DDB1: variants seen among roughly 807,000 people sequenced by gnomAD.
The protein encoded by DDB1 is damage specific DNA binding protein 1, also known as DNA damage-binding protein 1.
A neutral mutation model predicts 133.1 loss-of-function variants in DDB1; 18 were observed. The observed-to-expected ratio is 0.14, with a 90% CI of 0.09 to 0.20. DDB1 has a LOEUF of 0.20. Among genes scored for constraint, DDB1 ranks in the 10% least tolerant of loss-of-function variants. The pLI, the probability that DDB1 is intolerant of heterozygous loss-of-function variation, is 1.00. For synonymous variants in DDB1, 580 were observed against 550.5 expected, an observed-to-expected ratio of 1.05 and a Z score of -0.75; for missense variants, 828 against 1,459.2, an observed-to-expected ratio of 0.57 and a Z score of 7.05.
At chr11:61,300,631 G>A (rs1055478765) in intron 26 of DDB1, among the ~76,000 whole-genome samples, 178 bp downstream of exon 26, 1 of 152,192 alleles carries the variant, frequency 6.6e-6, no homozygotes, top group Non-Finnish European at 1.5e-5. Flanking sequence ...GGGTACCCAC[G>A]AGCCACAACT....
In DDB1 at chr11:61,300,236, G is replaced by C. The variant is rs777642494; in HGVS notation, c.3340-17C>G. 3.7e-6 allele frequency: 6 copies of C among 1,613,236 alleles called. No individual in the cohort carries two copies. In the East Asian group the frequency reaches 1.3e-4, roughly 36 times the overall value. ...ATCGTCATACTGCAATGAGAAGATG[G>C]GCGGGGCTGTGAGGACCAAGAGGGT... On this transcript the variant is annotated splice_polypyrimidine_tract_variant and intron_variant, in intron 26 of 26. Coordinates refer to ENST00000301764, the MANE Select transcript of DDB1 (RefSeq NM_001923.5).
chr11:61,330,060 G>A lies in DDB1; in HGVS notation c.225C>T (p.Asp75=). 1.2e-6 allele frequency: 2 copies of A among 1,612,904 alleles called. No homozygotes were observed. Among genetic ancestry groups the A allele is most frequent in the Non-Finnish European group, 1.7e-6 (2 of 1,179,108 alleles). ...ACTTCGCTGTCAAGATAAACAGCAGGTCCTTGCTCTCCCCCTGGAAACCAA... is the reference window on the plus strand; with the variant it reads ...ACTTCGCTGTCAAGATAAACAGCAGATCCTTGCTCTCCCCCTGGAAACCAA... ...ELFRPKGESK[D]LLFILTAKYN... is the part of the protein sequence containing the mutation. Residue 75 remains aspartate, a synonymous_variant, in exon 3 of 27, where the codon GAC becomes GAT. Transcript: ENST00000301764.
At chr11:61,328,006 T>A (rs2512813) in intron 4 of DDB1, among the ~76,000 whole-genome samples, 4 of 152,242 alleles carry the variant, frequency 2.6e-5, no homozygotes, top group Non-Finnish European at 5.9e-5. Flanking sequence ...GACACAACTT[T>A]GCAAAAAGTT....
chr11:61,315,178 A>G (rs1856043150), intron 12 of DDB1: 2 of 152,206 alleles, frequency 1.3e-5, no homozygotes, highest in Non-Finnish European at 2.9e-5. Context: ...GACCTCTAAA[A>G]TATCTAAGTT....
Position 61,332,969 on chromosome 11 carries a change from G to C in DDB1, c.-1C>G. 6.6e-7 allele frequency: 1 copy of C among 1,512,442 alleles called. No homozygotes were observed. 93.7% of individuals were successfully genotyped at this position (1,512,442 alleles called of 1,614,324 possible). A position where few individuals can be genotyped will look rare whatever the true frequency, so the allele number is the denominator to read the frequency against. ...CCGTTACCACGTAGTTGTACGACATGTCGAGGCTTGGAGCGGCCCGTCGGG... is the reference window on the plus strand; with the variant it reads ...CCGTTACCACGTAGTTGTACGACATCTCGAGGCTTGGAGCGGCCCGTCGGG... On this transcript the variant is annotated 5_prime_UTR_variant, in exon 1 of 27. Transcript: ENST00000301764.
intron 10 of DDB1, 83 bp downstream of exon 10, chr11:61,321,512 C>T: frequency 8.1e-7 from 1 of 1,235,340 alleles, no homozygotes; most frequent in Non-Finnish European, 1.2e-6. Flanking sequence ...TCCTCTGGCT[C>T]CCACCAAAAC....
rs1227607595 is a variant in DDB1 at position 61,303,949 on chromosome 11, G to C, written c.2748C>G (p.Thr916=). The change falls in exon 22 of 27, where the codon ACC becomes ACG. Residue 916 remains threonine, a synonymous_variant. Coordinates refer to ENST00000301764, the MANE Select transcript of DDB1 (RefSeq NM_001923.5). ...YNNIMALYLK[T]KGDFILVGDL... ...CGCCCACCAGGATGAAGTCGCCCTTGGTCTTCAGGTAGAGGGCCATGATGT... is the reference window on the plus strand; with the variant it reads ...CGCCCACCAGGATGAAGTCGCCCTTCGTCTTCAGGTAGAGGGCCATGATGT... 1 of 1,614,036 alleles carries C rather than the reference G, an allele frequency of 6.2e-7. No individual in the cohort carries two copies. The highest frequency in any genetic ancestry group is 1.7e-5 in the Admixed American group (1 of 60,002).
At chr11:61,322,131 A>G in intron 9 of DDB1, 165 bp downstream of exon 9, 4 of 663,696 alleles carry the variant, frequency 6.0e-6, no homozygotes, top group Non-Finnish European at 1.1e-5. Flanking sequence ...CTGGCAGACC[A>G]AGATAGGCAC....
At chr11:61,321,400 T>G in intron 10 of DDB1, 195 bp downstream of exon 10, 1 of 511,166 alleles carries the variant, frequency 2.0e-6, no homozygotes, top group Non-Finnish European at 3.4e-6. Context: ...TGATCAGTAG[T>G]ATTTTCTTTT....
At chr11:61,305,004 C>T (rs1855862668) in intron 21 of DDB1, among the ~76,000 whole-genome samples, 1 of 152,196 alleles carries the variant, frequency 6.6e-6, no homozygotes, top group Non-Finnish European at 1.5e-5. Context: ...TGGAGAGCTA[C>T]TTGGCACGGC....
At chr11:61,322,571 G>C in intron 8 of DDB1, 159 bp from the exon 9 acceptor site, 1 of 630,820 alleles carries the variant, frequency 1.6e-6, no homozygotes, top group Admixed American at 2.6e-5. Flanking sequence ...ATTGACGAAA[G>C]AATATGGTTG....
In DDB1 at chr11:61,309,096, T is replaced by C. The variant is rs779647700; in HGVS notation, c.2567-19A>G. On this transcript the variant is annotated intron_variant, in intron 20 of 26. Transcript: ENST00000301764. ...AGTTTTCCTGGGGGTGGAAAAAATA[T>C]GTTTGAGTCTCTATGAGCCCACACT... The C allele has an allele frequency of 5.6e-6, 9 of 1,610,936 alleles. No homozygotes were observed. Among genetic ancestry groups the C allele is most frequent in the African/African-American group, 1.3e-5 (1 of 74,840 alleles).
chr11:61,303,760 A>G (rs1855838917), intron 22 of DDB1, 105 bp downstream of exon 22: 1 of 1,281,640 alleles, frequency 7.8e-7, no homozygotes, highest in South Asian at 1.5e-5. Flanking sequence ...CGGGGAAAAC[A>G]TTTCTGCCCC....
chr11:61,301,478 G>A (rs1387066078), intron 25 of DDB1: 1 of 152,626 alleles, frequency 6.6e-6, no homozygotes, highest in Non-Finnish European at 1.5e-5. Context: ...GGCTGAGATG[G>A]GAGAATCACT....
chr11:61,311,757 T>C, intron 18 of DDB1, 27 bp downstream of exon 18: 1 of 1,592,178 alleles, frequency 6.3e-7, no homozygotes, highest in South Asian at 1.1e-5. Context: ...TGCTCTAAGG[T>C]CATCTTTCTT....
intron 4 of DDB1, among the ~76,000 whole-genome samples, chr11:61,328,286 T>C (rs1193794892): frequency 2.6e-5 from 4 of 152,186 alleles, no homozygotes; most frequent in African/African-American, 4.8e-5. Context: ...CTAAGAAATA[T>C]ACAAAAATAT....
rs1554961186 is a variant in DDB1 at position 61,316,976 on chromosome 11, T to TATATATAC, written c.1226-410_1226-409insGTATATAT. ...ATATATATATATATATATATATATA[T>TATATATAC]ATATATATATATATATATATATAGA... On this transcript the variant is annotated intron_variant, in intron 10 of 26. Transcript: ENST00000301764. 5.7e-3 allele frequency among the ~76,000 whole-genome samples: 322 copies of TATATATAC among 56,584 alleles called. 23 individuals carry two copies. The highest frequency in any genetic ancestry group is 0.016 in the Middle Eastern group (2 of 122). 37.1% of individuals were successfully genotyped at this position (56,584 alleles called of 152,430 possible). A position where few individuals can be genotyped will look rare whatever the true frequency, so the allele number is the denominator to read the frequency against.
rs80208062 is a variant in DDB1 at position 61,310,533 on chromosome 11, T to C, written c.2278-115A>G. The C allele has an allele frequency of 7.2e-3, 9,109 of 1,273,808 alleles. 53 individuals carry two copies. Among genetic ancestry groups the C allele is most frequent in the Admixed American group, 0.011 (349 of 31,036 alleles). The allele number at this position is 1,273,808 out of a possible 1,614,324, so 78.9% of individuals were successfully genotyped here. On this transcript the variant is annotated intron_variant, in intron 18 of 26. Transcript: ENST00000301764. ...AAAGGCTGCAGCTAGCCAAGAACTCTGATGGCTGGCAGCTCAAGGAGCCTG... is the reference window on the plus strand; with the variant it reads ...AAAGGCTGCAGCTAGCCAAGAACTCCGATGGCTGGCAGCTCAAGGAGCCTG...
At chr11:61,324,802 AATAT>A (rs1856242775) in intron 6 of DDB1, among the ~76,000 whole-genome samples, 1 of 152,224 alleles carries the variant, frequency 6.6e-6, no homozygotes. Flanking sequence ...ATAATTTATC[AATAT>A]ATTACTTTAT....
Sources: gnomAD v4.1 joint callset for allele counts (sites outside exome capture counted in the v4.1 genomes callset) on GRCh38, gnomAD v4.1.1 for gene constraint, MANE v1.5 for transcripts, NCBI Gene and HGNC (gene_info 2026-07-23, HGNC 2026-07-21) for gene names.